The following CPLANE1 variants were observed in gnomAD, a reference collection of about 807,000 sequenced individuals.
The protein encoded by CPLANE1 is ciliogenesis and planar polarity effector complex subunit 1, also known as ciliogenesis and planar polarity effector 1.
In CPLANE1, 263 loss-of-function variants were observed where a neutral mutation model predicts 362.5. That is an observed-to-expected ratio of 0.73 (90% CI 0.66 to 0.80). The LOEUF is 0.80. Ranked by LOEUF, CPLANE1 falls within the 30% of genes least tolerant of loss-of-function variation. The pLI is 0.00. For missense variants in CPLANE1, 3,461 were observed against 3,793.4 expected, an observed-to-expected ratio of 0.91 and a Z score of 2.30; for synonymous variants, 1,212 against 1,302.6, an observed-to-expected ratio of 0.93 and a Z score of 1.50.
At chr5:37,232,695 T>A (rs556372277) in intron 8 of CPLANE1, among the ~76,000 whole-genome samples, 2 of 146,146 alleles carry the variant, frequency 1.4e-5, no homozygotes, top group Admixed American at 1.4e-4. Context: ...AAAAAAACAG[T>A]CGTGGTGGCG....
intron 36 of CPLANE1, 136 bp downstream of exon 36, chr5:37,165,403 T>G: frequency 1.2e-6 from 1 of 806,638 alleles, no homozygotes; most frequent in Non-Finnish European, 2.0e-6. Context: ...CAGCAGGGAC[T>G]GATATACTGA....
intron 42 of CPLANE1, 103 bp from the exon 43 acceptor site, chr5:37,148,371 T>C: frequency 1.4e-6 from 1 of 732,648 alleles, no homozygotes; most frequent in Non-Finnish European, 2.1e-6. Flanking sequence ...AATGCAAAAG[T>C]GAAAAAAATG....
chr5:37,155,575 A>G (rs1042214666), intron 41 of CPLANE1, among the ~76,000 whole-genome samples: 1 of 152,118 alleles, frequency 6.6e-6, no homozygotes, highest in African/African-American at 2.4e-5. Flanking sequence ...GGGTCTCACT[A>G]TGTTGCCAAG....
chr5:37,124,236 T>C (rs920305373), intron 47 of CPLANE1, among the ~76,000 whole-genome samples: 2 of 152,190 alleles, frequency 1.3e-5, no homozygotes, highest in Admixed American at 6.5e-5. Context: ...AGGGATATTG[T>C]ATTTTATTTC....
chr5:37,206,390 T>C lies in CPLANE1; in HGVS notation c.2956A>G (p.Lys986Glu). The C allele has an allele frequency of 6.4e-7, 1 of 1,551,418 alleles. No homozygotes were observed. The highest frequency in any genetic ancestry group is 1.2e-5 in the South Asian group (1 of 84,048). The stretch of plus-strand genomic sequence containing the variant: ...TGATCTCTAACAACACTGGCCACCT[T>C]AGAGTGTTGCAGAGGAATAAGTCGA... ...SFRLIPLQHS[K>E]VASVVRDQNL... The change falls in exon 17 of 53, where the codon AAG becomes GAG. Residue 986 changes from lysine to glutamate, a missense_variant. Physicochemically the swap from Lys to Glu is moderately conservative, Grantham distance 56. Transcript: ENST00000651892.
At chr5:37,200,381 A>T (rs1188148071) in intron 19 of CPLANE1, among the ~76,000 whole-genome samples, 1 of 152,226 alleles carries the variant, frequency 6.6e-6, no homozygotes, top group Non-Finnish European at 1.5e-5. Context: ...AAAAAACTTT[A>T]AATGTCATTT....
In CPLANE1 at chr5:37,206,366, G is replaced by T; in HGVS notation, c.2980C>A (p.Gln994Lys). The T allele has an allele frequency of 6.4e-7, 1 of 1,551,390 alleles. No individual in the cohort carries two copies. Among genetic ancestry groups the T allele is most frequent in the South Asian group, 1.2e-5 (1 of 84,058 alleles). The change falls in exon 17 of 53, where the codon CAG (glutamine) becomes AAG (lysine). Residue 994 changes from glutamine (Q) to lysine (K), a missense_variant. Around this residue, in one of 2 missense-constraint regions of CPLANE1, gnomAD observed 3,380 missense variants for 3,666.1 expected, o/e 0.92. Coordinates refer to ENST00000651892, the MANE Select transcript of CPLANE1 (RefSeq NM_001384732.1). ...HSKVASVVRD[Q>K]NLSNVWTVEY... ...ACTGTCCACACATTAGAGAGATTCT[G>T]ATCTCTAACAACACTGGCCACCTTA... is the stretch of plus-strand genomic sequence containing the variant.
At chr5:37,105,422 A>G (rs749886652), downstream of CPLANE1, among the ~76,000 whole-genome samples, 12 of 152,248 alleles carry the variant, frequency 7.9e-5, no homozygotes, top group Non-Finnish European at 1.8e-4. Flanking sequence ...CAATGGGGAA[A>G]GGATACTCTC....
Position 37,183,081 on chromosome 5 carries a change from T to C in CPLANE1, c.5100A>G (p.Arg1700=). The part of the protein sequence containing the change: ...DDTREKCLIQ[R]SSNHIFWTPK... The stretch of plus-strand genomic sequence containing the variant: ...GAGTCCAAAAAATGTGGTTTGATGA[T>C]CTCTGGATTAGACATTTCTCTCTAG... Residue 1700 remains arginine (R), a synonymous_variant, in exon 26 of 53, where the codon AGA becomes AGG. Coordinates refer to ENST00000651892, the MANE Select transcript of CPLANE1 (RefSeq NM_001384732.1). The C allele has an allele frequency of 6.2e-7, 1 of 1,613,502 alleles. No homozygotes were observed. Among genetic ancestry groups the C allele is most frequent in the Non-Finnish European group, 8.5e-7 (1 of 1,179,920 alleles).
intron 41 of CPLANE1, among the ~76,000 whole-genome samples, chr5:37,156,502 G>T (rs1775147961): frequency 6.6e-6 from 1 of 152,170 alleles, no homozygotes; most frequent in Admixed American, 6.5e-5. Context: ...CTACTTAGGA[G>T]GCTGAGGCAG....
Position 37,180,032 on chromosome 5 carries a change from T to G in CPLANE1, c.5722A>C (p.Ile1908Leu). 1 of 1,557,120 alleles carries G rather than the reference T, an allele frequency of 6.4e-7. No individual in the cohort carries two copies. Among genetic ancestry groups the G allele is most frequent in the Non-Finnish European group, 8.7e-7 (1 of 1,155,606 alleles). The change falls in exon 28 of 53, where the codon ATA becomes CTA. Residue 1908 changes from isoleucine (I) to leucine (L), a missense_variant. Coordinates refer to ENST00000651892, the MANE Select transcript of CPLANE1 (RefSeq NM_001384732.1). ...AFTEEEMDMHISDYEEDIEES... is the reference protein window; with the variant it reads ...AFTEEEMDMHLSDYEEDIEES... ...ATGAACTGACCTTCATAGTCTGATA[T>G]GTGCATATCCATTTCCTCTTCTGTA...
chr5:37,085,907 A>T, the CPLANE1 span: 1 of 744,558 alleles, frequency 1.3e-6, no homozygotes, highest in Non-Finnish European at 2.3e-6. Flanking sequence ...ATAATGTGGC[A>T]GGAATTAATA....
intron 35 of CPLANE1, 40 bp from the exon 36 acceptor site, chr5:37,165,711 T>G (rs754785561): frequency 4.5e-6 from 7 of 1,543,794 alleles, no homozygotes; most frequent in Non-Finnish European, 6.1e-6. Flanking sequence ...TTTACAACTA[T>G]AGCAACATTT....
At position 37,221,371 on chromosome 5, in the gene CPLANE1, AT is replaced by A. The variant is rs1795323427; in HGVS notation, c.2698del (p.Ile900SerfsTer2). On this transcript the variant is annotated frameshift_variant, in exon 15 of 53. Coordinates refer to ENST00000651892, the MANE Select transcript of CPLANE1 (RefSeq NM_001384732.1). LOFTEE classifies it high-confidence loss of function. The stretch of plus-strand genomic sequence containing the variant: ...TACAGGTAGTTGGGACCATCTCAGG[AT>A]TTCTCTTGCTAGCTGATCACACAAT... ...QGLCDQLAREILRWSQLPVKE... is the reference protein window; with the variant it reads ...QGLCDQLAREXLRWSQLPVKE... The A allele has an allele frequency of 6.5e-7, 1 of 1,529,776 alleles. No individual in the cohort carries two copies. The highest frequency in any genetic ancestry group is 8.8e-7 in the Non-Finnish European group (1 of 1,138,478). The allele number at this position is 1,529,776 out of a possible 1,614,324, so 94.8% of individuals were successfully genotyped here. A position where few individuals can be genotyped will look rare whatever the true frequency, so the allele number is the denominator to read the frequency against.
chr5:37,245,848 A>G lies in CPLANE1; in HGVS notation c.82-3T>C. Reference sequence around the variant, plus strand: ...AAAAGAAAAACGGCTTCTTTTTCCTAAGAGAAGAAACATGTGAAGGACTCA... The same window carrying G: ...AAAAGAAAAACGGCTTCTTTTTCCTGAGAGAAGAAACATGTGAAGGACTCA... On this transcript the variant is annotated splice_region_variant and splice_polypyrimidine_tract_variant and intron_variant, in intron 2 of 52. Coordinates refer to ENST00000651892, the MANE Select transcript of CPLANE1 (RefSeq NM_001384732.1). 2.0e-6 allele frequency: 3 copies of G among 1,512,172 alleles called. No individual in the cohort carries two copies. Among genetic ancestry groups the G allele is most frequent in the Non-Finnish European group, 2.6e-6 (3 of 1,133,498 alleles). 93.7% of individuals were successfully genotyped at this position (1,512,172 alleles called of 1,614,324 possible). A position where few individuals can be genotyped will look rare whatever the true frequency, so the allele number is the denominator to read the frequency against.
At chr5:37,196,073 G>C (rs1580636781) in intron 20 of CPLANE1, 77 bp from the exon 21 acceptor site, 1 of 1,260,846 alleles carries the variant, frequency 7.9e-7, no homozygotes, top group East Asian at 2.6e-5. Context: ...AAAAGAATCA[G>C]GCAGGTAAGA....
At chr5:37,088,337 G>GT in the CPLANE1 span, among the ~76,000 whole-genome samples, 1 of 152,274 alleles carries the variant, frequency 6.6e-6, no homozygotes, top group East Asian at 1.9e-4. Flanking sequence ...TTCTATGAGC[G>GT]TGTCAGCTGG....
At chr5:37,139,577 A>G in intron 44 of CPLANE1, 2 of 1,006,922 alleles carry the variant, frequency 2.0e-6, no homozygotes, top group Non-Finnish European at 2.5e-6. Flanking sequence ...TTTTGAGACC[A>G]TGTCTCACTC....
At chr5:37,134,460 A>G (rs747656429) in intron 46 of CPLANE1, among the ~76,000 whole-genome samples, 3 of 152,012 alleles carry the variant, frequency 2.0e-5, no homozygotes, top group Non-Finnish European at 2.9e-5. Flanking sequence ...GATCTTTTGT[A>G]TTTCTGTGGG....
Sources: allele counts gnomAD v4.1 joint callset (sites outside exome capture counted in the v4.1 genomes callset), GRCh38; gene constraint gnomAD v4.1.1; regional missense constraint gnomAD v4.1.1; transcripts MANE v1.5; gene names NCBI Gene and HGNC (gene_info 2026-07-23, HGNC 2026-07-21).